Variants in SPATA16 observed in about 807,000 individuals in gnomAD.
SPATA16 encodes the protein spermatogenesis-associated protein 16.
Under a neutral mutation model 63.3 loss-of-function variants are expected in SPATA16, and 36 were observed. The observed-to-expected ratio is 0.57, with a 90% CI of 0.44 to 0.75. The LOEUF (loss-of-function observed/expected upper bound fraction) is 0.75. Ranked by LOEUF, SPATA16 falls within the 30% of genes least tolerant of loss-of-function variation. The pLI, the probability that SPATA16 is intolerant of heterozygous loss-of-function variation, is 0.00. For missense variants in SPATA16, 646 were observed against 679.3 expected (o/e 0.95, Z 0.54); for synonymous variants, 203 against 216.7 (o/e 0.94, Z 0.56).
chr3:173,081,243 C>G (rs1445411410), intron 2 of SPATA16, among the ~76,000 whole-genome samples: 2 of 152,150 alleles, frequency 1.3e-5, no homozygotes, highest in Non-Finnish European at 2.9e-5. Context: ...TTAAAAATGC[C>G]ATATAACTTG....
At chr3:173,092,759 C>T (rs1021233769) in intron 2 of SPATA16, among the ~76,000 whole-genome samples, 30 of 152,070 alleles carry the variant, frequency 2.0e-4, no homozygotes, top group African/African-American at 7.0e-4. Context: ...TTTGTGGTAA[C>T]TTGTTAGAAA....
chr3:172,897,627 G>T (rs1254214847), intron 10 of SPATA16, among the ~76,000 whole-genome samples: 1 of 151,100 alleles, frequency 6.6e-6, no homozygotes, highest in Non-Finnish European at 1.5e-5. Flanking sequence ...TTGTACATTT[G>T]TCTTGTATCT....
intron 1 of SPATA16, among the ~76,000 whole-genome samples, chr3:173,123,353 T>C (rs574585056): frequency 2.6e-5 from 4 of 152,340 alleles, no homozygotes; most frequent in African/African-American, 9.6e-5. Context: ...AAACCTGACT[T>C]GAACCCAGCA....
chr3:172,973,495 C>T (rs993634570), intron 5 of SPATA16, among the ~76,000 whole-genome samples: 1 of 152,016 alleles, frequency 6.6e-6, no homozygotes, highest in African/African-American at 2.4e-5. Flanking sequence ...TGCTGAGCAC[C>T]GCAGACCAGG....
At chr3:172,899,343 C>CT (rs1402160480) in intron 10 of SPATA16, among the ~76,000 whole-genome samples, 1 of 151,946 alleles carries the variant, frequency 6.6e-6, no homozygotes, top group Non-Finnish European at 1.5e-5. Context: ...ATCGCTTTGT[C>CT]TTTTTGGTGG....
chr3:172,967,011 AACAC>A (rs1171786063), intron 5 of SPATA16, among the ~76,000 whole-genome samples: 1 of 152,224 alleles, frequency 6.6e-6, no homozygotes, highest in Non-Finnish European at 1.5e-5. Context: ...GATGCAAACA[AACAC>A]AGAGAAGGAG....
intron 2 of SPATA16, among the ~76,000 whole-genome samples, chr3:173,099,679 T>C (rs956189324): frequency 5.9e-5 from 9 of 152,130 alleles, no homozygotes; most frequent in Admixed American, 6.6e-5. Context: ...ATTCAAAAAA[T>C]GAAAGAGTAA....
chr3:173,133,578 C>T (rs770202602), intron 1 of SPATA16, among the ~76,000 whole-genome samples: 22 of 152,110 alleles, frequency 1.4e-4, no homozygotes, highest in Admixed American at 7.9e-4. Flanking sequence ...CTTACTTGTT[C>T]GTGTCCCCTC....
intron 1 of SPATA16, among the ~76,000 whole-genome samples, chr3:173,121,076 A>G (rs1211078290): frequency 6.6e-6 from 1 of 152,214 alleles, no homozygotes; most frequent in Non-Finnish European, 1.5e-5. Flanking sequence ...GTTCCCTCCC[A>G]AATTCAGAAT....
chr3:172,987,139 C>T (rs1734476559), intron 4 of SPATA16, among the ~76,000 whole-genome samples: 2 of 152,074 alleles, frequency 1.3e-5, no homozygotes, highest in Non-Finnish European at 1.5e-5. Context: ...TTTCCTTTTC[C>T]AGATGAATGA....
chr3:172,991,800 A>G (rs1448010155), intron 4 of SPATA16, among the ~76,000 whole-genome samples: 2 of 152,344 alleles, frequency 1.3e-5, no homozygotes, highest in East Asian at 3.9e-4. Flanking sequence ...GGCTGAAGAA[A>G]AAAACAACAG....
intron 10 of SPATA16, among the ~76,000 whole-genome samples, chr3:172,912,968 G>A (rs1389237102): frequency 6.6e-6 from 1 of 152,166 alleles, no homozygotes; most frequent in Non-Finnish European, 1.5e-5. Context: ...TCTTTTGTTT[G>A]TTTCACATCT....
intron 8 of SPATA16, among the ~76,000 whole-genome samples, chr3:172,917,811 T>C (rs916100315): frequency 3.9e-4 from 59 of 152,236 alleles, no homozygotes; most frequent in African/African-American, 1.4e-3. Flanking sequence ...TAGAAACTAA[T>C]ATTACTGAAC....
At chr3:173,082,991 T>C (rs1354560794) in intron 2 of SPATA16, among the ~76,000 whole-genome samples, 2 of 152,144 alleles carry the variant, frequency 1.3e-5, no homozygotes, top group East Asian at 3.8e-4. Context: ...TTTATAAATA[T>C]TTATAAAATA....
intron 8 of SPATA16, among the ~76,000 whole-genome samples, chr3:172,921,667 A>T (rs1176571570): frequency 6.6e-6 from 1 of 152,248 alleles, no homozygotes; most frequent in Non-Finnish European, 1.5e-5. Flanking sequence ...GAAGGTCTGT[A>T]AAACAGTCTC....
rs775628528 is a variant in SPATA16, at chr3:173,117,343, A to G, written c.389T>C (p.Ile130Thr). 6 of 1,614,166 alleles carry G rather than the reference A, an allele frequency of 3.7e-6. No individual in the cohort carries two copies. The Admixed American group carries it at 6.7e-5, about 18-fold the overall frequency. The stretch of plus-strand genomic sequence containing the variant: ...CTCATAGCGAACACCCATTTCATCA[A>G]TGTAGACCAACTTCATTTCCACATC... ...IMDVEMKLVY[I>T]DEMGVRYEFV... The change falls in exon 2 of 11, where the codon ATT becomes ACT. Residue 130 changes from isoleucine to threonine, a missense_variant. Coordinates refer to ENST00000351008, the MANE Select transcript of SPATA16 (RefSeq NM_031955.6).
intron 2 of SPATA16, among the ~76,000 whole-genome samples, chr3:173,064,320 C>CAA (rs59773490): frequency 0.014 from 821 of 57,612 alleles, 30 homozygotes; most frequent in African/African-American, 0.052. Flanking sequence ...ACACGCACAC[C>CAA]AAAAAAAAAA....
At chr3:173,041,959 A>T (rs1735850143) in intron 3 of SPATA16, among the ~76,000 whole-genome samples, 1 of 152,162 alleles carries the variant, frequency 6.6e-6, no homozygotes, top group Non-Finnish European at 1.5e-5. Context: ...ATAAAAATAA[A>T]AAAAAGAAGA....
chr3:173,085,308 CTGAT>C lies in SPATA16; in HGVS notation c.612+31808_612+31811del, dbSNP rs757283498. 1.1e-4 allele frequency among the ~76,000 whole-genome samples: 17 copies of C among 151,984 alleles called. No homozygotes were observed. The South Asian group carries it at 1.2e-3, about 11-fold the overall frequency. ...GGGAGTGCATTCATGATTTGGCTCT[CTGAT>C]TGTCTATTTTTGGTGTATAGGAATG... On this transcript the variant is annotated intron_variant, in intron 2 of 10. Transcript: ENST00000351008.
Sources: gnomAD v4.1 joint callset for allele counts (sites outside exome capture counted in the v4.1 genomes callset) on GRCh38, gnomAD v4.1.1 for gene constraint, MANE v1.5 for transcripts, NCBI Gene and HGNC (gene_info 2026-07-23, HGNC 2026-07-21) for gene names.